MATN2: variants seen among roughly 807,000 people sequenced by gnomAD.
MATN2 encodes the protein matrilin 2.
A neutral mutation model predicts 103.2 loss-of-function variants in MATN2; 69 were observed. The ratio of observed to expected loss-of-function variants is 0.67; its 90% CI spans 0.55 to 0.82. The LOEUF (loss-of-function observed/expected upper bound fraction) is 0.82, where lower values mean the gene tolerates loss of function less well. Ranked by LOEUF, MATN2 falls within the 40% of genes least tolerant of loss-of-function variation. The pLI, the probability that MATN2 is intolerant of heterozygous loss-of-function variation, is 0.00. For synonymous variants in MATN2, 429 were observed against 450.2 expected, an observed-to-expected ratio of 0.95 and a Z score of 0.60; for missense variants, 1,023 against 1,211.5, an observed-to-expected ratio of 0.84 and a Z score of 2.31.
intron 4 of MATN2, among the ~76,000 whole-genome samples, chr8:97,953,854 C>G (rs1329259501): frequency 6.6e-6 from 1 of 150,518 alleles, no homozygotes; most frequent in Non-Finnish European, 1.5e-5. Context: ...CCCAGCTACT[C>G]GGGAGGCTGA....
intron 6 of MATN2, among the ~76,000 whole-genome samples, chr8:97,979,839 T>C (rs1241209148): frequency 6.6e-6 from 1 of 152,216 alleles, no homozygotes; most frequent in Non-Finnish European, 1.5e-5. Context: ...AAAAAGTTCA[T>C]GTACCTACAA....
intron 14 of MATN2, among the ~76,000 whole-genome samples, chr8:98,029,368 G>GT (rs1813922692): frequency 6.6e-6 from 1 of 152,136 alleles, no homozygotes; most frequent in Non-Finnish European, 1.5e-5. Context: ...AGAGACAGTG[G>GT]TTAGCCCTTT....
At chr8:97,941,389 C>T (rs997178620) in intron 3 of MATN2, among the ~76,000 whole-genome samples, 1 of 152,076 alleles carries the variant, frequency 6.6e-6, no homozygotes, top group African/African-American at 2.4e-5. Flanking sequence ...GCTTTTCCTC[C>T]AGCCCCATTG....
At chr8:97,874,356 C>G (rs1281525807) in intron 1 of MATN2, among the ~76,000 whole-genome samples, 1 of 151,972 alleles carries the variant, frequency 6.6e-6, no homozygotes, top group Non-Finnish European at 1.5e-5. Context: ...ATCCTTCTCT[C>G]ACTGCCACAC....
At chr8:98,033,249 A>G in intron 17 of MATN2, 73 bp downstream of exon 17, 1 of 1,319,616 alleles carries the variant, frequency 7.6e-7, no homozygotes, top group Non-Finnish European at 1.0e-6. Flanking sequence ...CCTTAGCTTT[A>G]AGGAGGAAAG....
intron 2 of MATN2, among the ~76,000 whole-genome samples, chr8:97,913,282 T>C (rs1809511138): frequency 6.6e-6 from 1 of 152,012 alleles, no homozygotes; most frequent in African/African-American, 2.4e-5. Context: ...TGGGAGTTCA[T>C]GCCAAGTGCC....
At chr8:97,973,656 A>G (rs1367946255) in intron 5 of MATN2, among the ~76,000 whole-genome samples, 3 of 149,972 alleles carry the variant, frequency 2.0e-5, no homozygotes, top group South Asian at 2.1e-4. Flanking sequence ...CGCAGCCTCA[A>G]TCTCCCAAAC....
chr8:97,942,569 G>C (rs1810605014), intron 4 of MATN2, among the ~76,000 whole-genome samples: 1 of 152,156 alleles, frequency 6.6e-6, no homozygotes, highest in Admixed American at 6.5e-5. Flanking sequence ...TAAAGTTATG[G>C]ATAAAGCCAC....
At chr8:97,873,838 G>C (rs1311502470) in intron 1 of MATN2, among the ~76,000 whole-genome samples, 1 of 151,942 alleles carries the variant, frequency 6.6e-6, no homozygotes, top group East Asian at 1.9e-4. Context: ...ATGTTGTCCA[G>C]GCTGGTCTCG....
chr8:97,883,244 G>A (rs188557945), intron 1 of MATN2, among the ~76,000 whole-genome samples: 1,851 of 147,248 alleles, frequency 0.013, 19 homozygotes, highest in Non-Finnish European at 0.018. Flanking sequence ...AAGATTGCGC[G>A]ATTGCACTCC....
chr8:97,872,800 GT>G (rs59246813), intron 1 of MATN2, among the ~76,000 whole-genome samples: 30 of 144,850 alleles, frequency 2.1e-4, no homozygotes, highest in East Asian at 6.0e-4. Context: ...AAGTCCCCCC[GT>G]TTTTTTTTTT....
At chr8:97,922,761 T>C (rs1809853863) in intron 2 of MATN2, among the ~76,000 whole-genome samples, 1 of 152,144 alleles carries the variant, frequency 6.6e-6, no homozygotes, top group African/African-American at 2.4e-5. Flanking sequence ...AGTCAACCAC[T>C]CCCTCACTGT....
intron 4 of MATN2, among the ~76,000 whole-genome samples, chr8:97,944,735 C>A (rs1810689895): frequency 6.6e-6 from 1 of 152,172 alleles, no homozygotes; most frequent in Non-Finnish European, 1.5e-5. Flanking sequence ...GAAGGCTGTG[C>A]CATCTACTGA....
intron 10 of MATN2, among the ~76,000 whole-genome samples, chr8:98,014,593 T>C (rs977406249): frequency 6.6e-6 from 1 of 152,256 alleles, no homozygotes; most frequent in Non-Finnish European, 1.5e-5. Context: ...ATTTGAAAGC[T>C]TGCTGTAGAA....
At chr8:97,918,474 A>G (rs753800) in intron 2 of MATN2, among the ~76,000 whole-genome samples, 13,221 of 152,258 alleles carry the variant, frequency 0.087, 881 homozygotes, top group Admixed American at 0.21. Context: ...TACCATAAGT[A>G]TTTGTGGGGC....
At chr8:97,952,623 T>C (rs80196972) in intron 4 of MATN2, among the ~76,000 whole-genome samples, 12,221 of 152,150 alleles carry the variant, frequency 0.08, 556 homozygotes, top group Admixed American at 0.12. Flanking sequence ...GAGCACAGCT[T>C]TGGGGCTCTT....
chr8:97,989,908 A>G (rs1812335400), intron 6 of MATN2, among the ~76,000 whole-genome samples: 2 of 152,164 alleles, frequency 1.3e-5, no homozygotes. Context: ...CAGGCTGGGC[A>G]CGGTGGCTCA....
At chr8:98,035,619 AAT>A (rs780380414) in intron 18 of MATN2, 36 bp from the exon 19 acceptor site, 5 of 1,263,192 alleles carry the variant, frequency 4.0e-6, no homozygotes, top group Middle Eastern at 1.9e-4. Flanking sequence ...TGTAAATAAA[AAT>A]AGACAATTCT....
rs79198250 is a variant in MATN2, at chr8:97,947,900, A to G, written c.835+6001A>G. Among the ~76,000 whole-genome samples, 123 of 152,368 alleles carry G rather than the reference A, an allele frequency of 8.1e-4. 2 individuals carry two copies. The East Asian group carries it at 0.022, about 27-fold the overall frequency. ...CTGAATCATTGCTCCTAGATGAAAT[A>G]CAGAGTTGGGTTCCTGAGAGCTTCC... On this transcript the variant is annotated intron_variant, in intron 4 of 18. Transcript: ENST00000254898.
Sources: allele counts gnomAD v4.1 joint callset (sites outside exome capture counted in the v4.1 genomes callset), GRCh38; gene constraint gnomAD v4.1.1; transcripts MANE v1.5; gene names NCBI Gene and HGNC (gene_info 2026-07-23, HGNC 2026-07-21).